The following CNTNAP4 variants were observed in gnomAD, a reference collection of about 807,000 sequenced individuals.
CNTNAP4 encodes contactin associated protein family member 4, also known as contactin-associated protein-like 4.
A neutral mutation model predicts 148.4 loss-of-function variants in CNTNAP4; 98 were observed. The ratio of observed to expected loss-of-function variants is 0.66; its 90% CI spans 0.56 to 0.78. The LOEUF is 0.78. CNTNAP4 is among the 30% of genes least tolerant of loss of function. The pLI is 0.00. For missense variants in CNTNAP4, 1,935 were observed against 1,565.6 expected (o/e 1.24, Z -3.98); for synonymous variants, 730 against 565.1 (o/e 1.29, Z -4.14).
chr16:76,382,240 C>A (rs2016058333), intron 3 of CNTNAP4, among the ~76,000 whole-genome samples: 1 of 151,590 alleles, frequency 6.6e-6, no homozygotes, highest in African/African-American at 2.4e-5. Flanking sequence ...AAAGCCATTT[C>A]TAAAAAGCAA....
intron 3 of CNTNAP4, among the ~76,000 whole-genome samples, chr16:76,405,700 C>T (rs141930864): frequency 1.5e-3 from 226 of 152,050 alleles, no homozygotes; most frequent in African/African-American, 4.9e-3. Context: ...TTGCTGTTCA[C>T]GGGTGGCAGA....
At chr16:76,459,811 T>C (rs184395360) in intron 8 of CNTNAP4, among the ~76,000 whole-genome samples, 5 of 152,236 alleles carry the variant, frequency 3.3e-5, no homozygotes, top group Non-Finnish European at 7.4e-5. Context: ...CAAAGACTCT[T>C]AGATTTCACC....
intron 3 of CNTNAP4, among the ~76,000 whole-genome samples, chr16:76,404,533 A>G (rs1402890715): frequency 6.6e-6 from 1 of 152,124 alleles, no homozygotes; most frequent in Non-Finnish European, 1.5e-5. Context: ...CTTAAGTTAA[A>G]CAACTTAAAG....
At chr16:76,516,406 T>C (rs2083256984) in intron 15 of CNTNAP4, among the ~76,000 whole-genome samples, 1 of 152,208 alleles carries the variant, frequency 6.6e-6, no homozygotes, top group Non-Finnish European at 1.5e-5. Flanking sequence ...TAAACATACA[T>C]GTGCAAATGA....
chr16:76,530,922 A>G (rs1453635903), intron 17 of CNTNAP4, among the ~76,000 whole-genome samples: 1 of 152,094 alleles, frequency 6.6e-6, no homozygotes, highest in Non-Finnish European at 1.5e-5. Context: ...TATAGAAGAC[A>G]ACTTTTTCCC....
intron 2 of CNTNAP4, among the ~76,000 whole-genome samples, chr16:76,347,768 G>T (rs1184721711): frequency 6.6e-6 from 1 of 152,078 alleles, no homozygotes; most frequent in African/African-American, 2.4e-5. Context: ...TCAAAGAACA[G>T]CAAGGAGGCC....
At chr16:76,486,557 A>AC (rs1370913836) in intron 12 of CNTNAP4, among the ~76,000 whole-genome samples, 1 of 152,154 alleles carries the variant, frequency 6.6e-6, no homozygotes, top group Non-Finnish European at 1.5e-5. Context: ...CTAGACAAAG[A>AC]CAAAAAAAAA....
At chr16:76,526,115 T>A (rs1394271142) in intron 17 of CNTNAP4, among the ~76,000 whole-genome samples, 33 of 152,040 alleles carry the variant, frequency 2.2e-4, no homozygotes. Flanking sequence ...GTCAGTGCAG[T>A]CTTCTCTGGA....
At chr16:76,463,598 A>G (rs1036340956) in intron 9 of CNTNAP4, among the ~76,000 whole-genome samples, 1 of 152,216 alleles carries the variant, frequency 6.6e-6, no homozygotes, top group African/African-American at 2.4e-5. Context: ...TTGCAAAAAT[A>G]TAGAGAGTTC....
chr16:76,533,485 T>G (rs952959414), intron 17 of CNTNAP4, among the ~76,000 whole-genome samples: 3 of 152,140 alleles, frequency 2.0e-5, no homozygotes, highest in Non-Finnish European at 2.9e-5. Context: ...TATTGAATGT[T>G]CCCAACACTA....
At chr16:76,510,539 A>T (rs1188722391) in intron 15 of CNTNAP4, among the ~76,000 whole-genome samples, 1 of 151,638 alleles carries the variant, frequency 6.6e-6, no homozygotes, top group East Asian at 1.9e-4. Context: ...CCCTACATTT[A>T]ACCTCTTTAG....
chr16:76,372,547 C>T (rs939961693), intron 3 of CNTNAP4, among the ~76,000 whole-genome samples: 1 of 152,040 alleles, frequency 6.6e-6, no homozygotes, highest in African/African-American at 2.4e-5. Flanking sequence ...GGCAGTTTCC[C>T]CCATACTGTT....
intron 2 of CNTNAP4, among the ~76,000 whole-genome samples, chr16:76,342,980 T>C (rs1414029410): frequency 6.6e-6 from 1 of 152,198 alleles, no homozygotes; most frequent in Non-Finnish European, 1.5e-5. Context: ...TCTGCTGGGA[T>C]GCCGTGTTTC....
chr16:76,359,723 A>C (rs1428755), intron 3 of CNTNAP4, among the ~76,000 whole-genome samples: 40,753 of 152,144 alleles, frequency 0.27, 6,224 homozygotes, highest in Non-Finnish European at 0.35. Context: ...TATTTTATGA[A>C]AATTCAGAAA....
In CNTNAP4 at chr16:76,489,684, A is replaced by G. The variant is rs753423322; in HGVS notation, c.1883-2A>G. ...CTTTCTCCCCCCATTTCTGCATACA[A>G]GAAACTGCATGGACCATCATACAGC... is the stretch of plus-strand genomic sequence containing the variant. On this transcript the variant is annotated splice_acceptor_variant, in intron 12 of 23. Transcript: ENST00000611870. LOFTEE classifies it high-confidence loss of function. The G allele has an allele frequency of 1.3e-6, 2 of 1,533,134 alleles. No homozygotes were observed. The highest frequency in any genetic ancestry group is 1.8e-6 in the Non-Finnish European group (2 of 1,127,592). 95.0% of individuals were successfully genotyped at this position (1,533,134 alleles called of 1,614,324 possible).
In CNTNAP4 at chr16:76,290,550, A is replaced by G. The variant is rs371760658; in HGVS notation, c.85+12803A>G. ...CTGTCCTGCTTGCTTCTTGGTACCCAAAGACCTATTCACTTCCTCTAAATT... is the reference window on the plus strand; with the variant it reads ...CTGTCCTGCTTGCTTCTTGGTACCCGAAGACCTATTCACTTCCTCTAAATT... On this transcript the variant is annotated intron_variant, in intron 1 of 23. Transcript: ENST00000611870. Among the ~76,000 whole-genome samples, 23 of 152,254 alleles carry G rather than the reference A, an allele frequency of 1.5e-4. 1 individual carries two copies. The East Asian group carries it at 1.5e-3, about 10-fold the overall frequency.
At chr16:76,425,001 A>G (rs768249999) in intron 3 of CNTNAP4, among the ~76,000 whole-genome samples, 6 of 152,146 alleles carry the variant, frequency 3.9e-5, no homozygotes, top group Non-Finnish European at 8.8e-5. Flanking sequence ...GGTGGGAATA[A>G]GATTTGGTTA....
intron 2 of CNTNAP4, among the ~76,000 whole-genome samples, chr16:76,324,284 C>T (rs921307653): frequency 7.2e-5 from 11 of 152,206 alleles, no homozygotes; most frequent in Admixed American, 2.0e-4. Flanking sequence ...CAAAATTAAA[C>T]ATTATCACTA....
At chr16:76,306,987 G>C (rs1457292287) in intron 1 of CNTNAP4, among the ~76,000 whole-genome samples, 3 of 152,060 alleles carry the variant, frequency 2.0e-5, no homozygotes, top group Non-Finnish European at 4.4e-5. Flanking sequence ...CAGACCCCAT[G>C]TTTTCACAAT....
Sources: allele counts gnomAD v4.1 joint callset (sites outside exome capture counted in the v4.1 genomes callset), GRCh38; gene constraint gnomAD v4.1.1; transcripts MANE v1.5; gene names NCBI Gene and HGNC (gene_info 2026-07-23, HGNC 2026-07-21).